The following BRF1 variants were observed in gnomAD, a reference collection of about 807,000 sequenced individuals.
BRF1 encodes the protein transcription factor IIIB 90 kDa subunit.
BRF1 carries 59 observed loss-of-function variants against 81.7 expected under a neutral mutation model. The ratio of observed to expected loss-of-function variants is 0.72; its 90% CI spans 0.59 to 0.90. BRF1 has a LOEUF of 0.90. BRF1 is among the 40% of genes least tolerant of loss of function. The pLI is 0.00. For synonymous variants in BRF1, 491 were observed against 395.6 expected, an observed-to-expected ratio of 1.24 and a Z score of -2.86; for missense variants, 1,050 against 936.3, an observed-to-expected ratio of 1.12 and a Z score of -1.58.
intron 5 of BRF1, 25 bp from the exon 6 acceptor site, chr14:105,241,439 G>A (rs587688616): frequency 6.2e-7 from 1 of 1,608,180 alleles, no homozygotes; most frequent in Non-Finnish European, 8.5e-7. Flanking sequence ...GCACCTCAGT[G>A]CCCACCTCCA....
intron 12 of BRF1, 181 bp from the exon 13 acceptor site, chr14:105,219,413 CTCTGTGGCCTGTCCCA>C (rs2141456704): frequency 7.4e-7 from 1 of 1,357,680 alleles, no homozygotes; most frequent in East Asian, 2.5e-5. Context: ...GGACCTGTTG[CTCTGTGGCCTGTCCCA>C]AGGCCAACCA....
chr14:105,221,977 A>T lies in BRF1; in HGVS notation c.1049-63T>A, dbSNP rs587619349. 5.2e-5 allele frequency: 78 copies of T among 1,493,412 alleles called. 3 individuals are homozygous for T. In the Admixed American group the frequency reaches 1.6e-3, roughly 30 times the overall value. 92.5% of individuals were successfully genotyped at this position (1,493,412 alleles called of 1,614,324 possible). A position where few individuals can be genotyped will look rare whatever the true frequency, so the allele number is the denominator to read the frequency against. ...GCCAGGGTGCCCGCTTTTGTGACAA[A>T]AAACAATGCTACCAAGCTGCCAGGT... On this transcript the variant is annotated intron_variant, in intron 10 of 17. Transcript: ENST00000547530.
At chr14:105,229,335 G>C (rs1015706606) in intron 6 of BRF1, among the ~76,000 whole-genome samples, 1 of 152,228 alleles carries the variant, frequency 6.6e-6, no homozygotes, top group Non-Finnish European at 1.5e-5. Flanking sequence ...AGTGGGCCCA[G>C]AACCTCCAGT....
intron 5 of BRF1, chr14:105,248,237 C>T: frequency 1.0e-6 from 1 of 985,482 alleles, no homozygotes; most frequent in Non-Finnish European, 1.2e-6. Context: ...AGCCCAACGA[C>T]CATCCCACAG....
At chr14:105,249,540 T>C (rs1156892215) in intron 5 of BRF1, 14 of 1,598,730 alleles carry the variant, frequency 8.8e-6, no homozygotes, top group East Asian at 2.2e-5. Flanking sequence ...CGGAGGCTTC[T>C]GAAGGGAAGC....
chr14:105,215,749 ACACAGG>A (rs1189672014), intron 15 of BRF1, among the ~76,000 whole-genome samples: 3 of 149,206 alleles, frequency 2.0e-5, no homozygotes, highest in African/African-American at 7.5e-5. Context: ...GCATACACAG[ACACAGG>A]CACATACACA....
intron 1 of BRF1, among the ~76,000 whole-genome samples, chr14:105,300,180 C>T (rs1247238510): frequency 6.6e-6 from 1 of 152,266 alleles, no homozygotes; most frequent in Admixed American, 6.5e-5. Context: ...CTGGGCTCCC[C>T]AGGCTCTCTT....
chr14:105,226,072 C>A lies in BRF1; in HGVS notation c.1045G>T (p.Asp349Tyr). The change falls in exon 10 of 18, where the codon GAT becomes TAT. Residue 349 changes from aspartate (D) to tyrosine (Y), a missense_variant. Around this residue, in one of 2 missense-constraint regions of BRF1, gnomAD observed 1,043 missense variants for 915.4 expected, o/e 1.14. Coordinates refer to ENST00000547530, the MANE Select transcript of BRF1 (RefSeq NM_001519.4). The part of the protein sequence containing the change: ...AKGGLASLAK[D>Y]GSTEDTASSL... Reference sequence around the variant, plus strand: ...GGGCCGGGCACAGTGGACTCACCATCTTTTGCCAGGCTGGCCAGGCCCCCC... The same window carrying A: ...GGGCCGGGCACAGTGGACTCACCATATTTTGCCAGGCTGGCCAGGCCCCCC... 6.2e-7 allele frequency: 1 copy of A among 1,613,614 alleles called. No homozygotes were observed. Among genetic ancestry groups the A allele is most frequent in the Non-Finnish European group, 8.5e-7 (1 of 1,179,894 alleles).
chr14:105,250,419 T>C, intron 5 of BRF1: 2 of 1,613,970 alleles, frequency 1.2e-6, no homozygotes, highest in Non-Finnish European at 1.7e-6. Context: ...GCTCAGAACT[T>C]GACCAAGTTC....
intron 2 of BRF1, among the ~76,000 whole-genome samples, chr14:105,274,874 T>C (rs867461607): frequency 1.3e-5 from 2 of 152,236 alleles, no homozygotes; most frequent in African/African-American, 4.8e-5. Flanking sequence ...GAGTCCTTGC[T>C]CCAGGCAATT....
At chr14:105,218,795 C>T (rs995538743) in intron 14 of BRF1, among the ~76,000 whole-genome samples, 6 of 152,204 alleles carry the variant, frequency 3.9e-5, no homozygotes, top group Admixed American at 1.3e-4. Flanking sequence ...AAGGTGAGGC[C>T]GACGGCTGGG....
chr14:105,209,708 G>A lies in BRF1; in HGVS notation c.*843C>T, dbSNP rs766540352. ...GCCACTGCCCTCTGGCTCTGTCCAC[G>A]GGGAACTCCCAGCGCCAGGACACTA... On this transcript the variant is annotated 3_prime_UTR_variant, in exon 18 of 18. Coordinates refer to ENST00000547530, the MANE Select transcript of BRF1 (RefSeq NM_001519.4). 47 of 628,092 alleles carry A rather than the reference G, an allele frequency of 7.5e-5. No individual in the cohort carries two copies. Among genetic ancestry groups the A allele is most frequent in the African/African-American group, 4.5e-4 (25 of 55,276 alleles). The allele number at this position is 628,092 out of a possible 1,614,324, so 38.9% of individuals were successfully genotyped here.
At chr14:105,280,604 G>A (rs2057032602) in intron 2 of BRF1, among the ~76,000 whole-genome samples, 1 of 152,026 alleles carries the variant, frequency 6.6e-6, no homozygotes, top group South Asian at 2.1e-4. Context: ...GCATGATCCT[G>A]AGCCCGCGTG....
chr14:105,256,913 G>C (rs2140325328), intron 3 of BRF1, among the ~76,000 whole-genome samples: 1 of 152,306 alleles, frequency 6.6e-6, no homozygotes, highest in Non-Finnish European at 1.5e-5. Context: ...CCACCATATG[G>C]TGGATCTGCT....
At chr14:105,280,945 G>A (rs587677859) in intron 2 of BRF1, among the ~76,000 whole-genome samples, 82 of 145,296 alleles carry the variant, frequency 5.6e-4, no homozygotes, top group Admixed American at 1.3e-3. Flanking sequence ...CAGAGCCTGC[G>A]TGACCCTGAG....
chr14:105,226,680 T>C lies in BRF1; in HGVS notation c.869A>G (p.Asp290Gly), dbSNP rs1595307447. 6.2e-7 allele frequency: 1 copy of C among 1,612,000 alleles called. No individual in the cohort carries two copies. Among genetic ancestry groups the C allele is most frequent in the Non-Finnish European group, 8.5e-7 (1 of 1,179,722 alleles). The change falls in exon 8 of 18, where the codon GAC becomes GGC. Residue 290 changes from aspartate to glycine, a missense_variant. Physicochemically the swap from Asp to Gly is moderately conservative, Grantham distance 94. Around this residue, in one of 2 missense-constraint regions of BRF1, gnomAD observed 1,043 missense variants for 915.4 expected, o/e 1.14. Transcript: ENST00000547530. ...FMKIDLEEEC[D>G]PPSYTAGQRK... ...CTGCCCAGCTGTGTACGAGGGGGGG[T>C]CGCACTCCTCCTCCAGGTCGATCTT...
chr14:105,211,824 C>CA (rs1399830661), intron 16 of BRF1: 2 of 512,520 alleles, frequency 3.9e-6, no homozygotes, highest in Admixed American at 3.2e-5. Context: ...TTCCTACATA[C>CA]AGGCTCCCTG....
chr14:105,265,954 C>T (rs1436130643), intron 3 of BRF1, among the ~76,000 whole-genome samples: 2 of 151,108 alleles, frequency 1.3e-5, no homozygotes, highest in African/African-American at 4.9e-5. Flanking sequence ...ACCTGTAATC[C>T]CAGCTACTCG....
chr14:105,311,086 G>A (rs1002709302), intron 1 of BRF1, among the ~76,000 whole-genome samples: 1 of 152,068 alleles, frequency 6.6e-6, no homozygotes, highest in Non-Finnish European at 1.5e-5. Context: ...CCGAGTAGCT[G>A]GGATTACAGG....
Sources: allele counts gnomAD v4.1 joint callset (sites outside exome capture counted in the v4.1 genomes callset), GRCh38; gene constraint gnomAD v4.1.1; regional missense constraint gnomAD v4.1.1; transcripts MANE v1.5; gene names NCBI Gene and HGNC (gene_info 2026-07-23, HGNC 2026-07-21).